Variants in CHD2 observed in about 807,000 individuals in gnomAD.
CHD2 encodes the protein ATP-dependent chromatin remodeler CHD2.
In CHD2, 28 loss-of-function variants were observed where a neutral mutation model predicts 243.9. The observed-to-expected ratio is 0.11, with a 90% CI of 0.09 to 0.16. The LOEUF is 0.16. Ranked by LOEUF, CHD2 falls within the 10% of genes least tolerant of loss-of-function variation. CHD2 has a pLI of 1.00. For synonymous variants in CHD2, 775 were observed against 779.0 expected, an observed-to-expected ratio of 0.99 and a Z score of 0.09; for missense variants, 1,386 against 2,209.8, an observed-to-expected ratio of 0.63 and a Z score of 7.47.
At chr15:92,919,880 T>G (rs1177650796) in intron 2 of CHD2, among the ~76,000 whole-genome samples, 1 of 152,212 alleles carries the variant, frequency 6.6e-6, no homozygotes, top group African/African-American at 2.4e-5. Flanking sequence ...GCTTCACTAC[T>G]AAGTTTCAGT....
chr15:92,939,443 A>G (rs563499264), intron 6 of CHD2, 135 bp from the exon 7 acceptor site: 3 of 920,438 alleles, frequency 3.3e-6, no homozygotes, highest in South Asian at 2.0e-5. Context: ...GCCCAAGAAT[A>G]TGCATGTTTA....
intron 2 of CHD2, among the ~76,000 whole-genome samples, chr15:92,916,450 A>G (rs1423484431): frequency 6.6e-6 from 1 of 152,236 alleles, no homozygotes; most frequent in African/African-American, 2.4e-5. Flanking sequence ...TGGATTATTT[A>G]GGTTTTGTTA....
Position 92,946,047 on chromosome 15 carries a change from G to A in CHD2, c.1208G>A (p.Arg403Gln), listed in dbSNP as rs753174378. Residue 403 changes from arginine to glutamine, a missense_variant, in exon 12 of 39, where the codon CGG (arginine) becomes CAG (glutamine). Physicochemically the swap from Arg to Gln is conservative, Grantham distance 43. Around this residue, in one of 19 missense-constraint regions of CHD2, gnomAD observed 200 missense variants for 292.5 expected, o/e 0.68. Transcript: ENST00000394196. ...TTTTTATATGAAATAGCTCATAGTC[G>A]GAAGCCGGCACCCTCAAATGAGCCC... is the stretch of plus-strand genomic sequence containing the variant. ...LGQTDFPAHS[R>Q]KPAPSNEPEY... 5.1e-6 allele frequency: 8 copies of A among 1,576,550 alleles called. No homozygotes were observed. The highest frequency in any genetic ancestry group is 1.2e-5 in the South Asian group (1 of 84,940).
intron 2 of CHD2, among the ~76,000 whole-genome samples, chr15:92,919,505 G>A (rs531418628): frequency 8.2e-4 from 124 of 151,846 alleles, no homozygotes; most frequent in African/African-American, 2.9e-3. Context: ...TGATTCTTCT[G>A]CCTCAGCCTC....
Position 93,000,595 on chromosome 15 carries a change from A to T in CHD2, c.4092A>T (p.Ser1364=). 6.2e-7 allele frequency: 1 copy of T among 1,613,892 alleles called. No individual in the cohort carries two copies. The highest frequency in any genetic ancestry group is 8.5e-7 in the Non-Finnish European group (1 of 1,179,796). Residue 1364 remains serine (S), a synonymous_variant, in exon 32 of 39, where the codon TCA becomes TCT. Transcript: ENST00000394196. The part of the protein sequence containing the change: ...RLKEEHGIEL[S]SPRHSDNPSE... Reference sequence around the variant, plus strand: ...AAGAGGAGCATGGAATTGAGCTTTCATCTCCTAGGCATTCAGATAATCCAT... The same window carrying T: ...AAGAGGAGCATGGAATTGAGCTTTCTTCTCCTAGGCATTCAGATAATCCAT...
intron 27 of CHD2, 184 bp downstream of exon 27, chr15:92,991,701 C>T (rs767521699): frequency 1.0e-4 from 49 of 469,156 alleles, no homozygotes; most frequent in Middle Eastern, 5.4e-4. Context: ...AGAGGGATGA[C>T]AAAGATGATA....
At chr15:92,980,225 T>C (rs2053961730) in intron 22 of CHD2, among the ~76,000 whole-genome samples, 1 of 13,766 alleles carries the variant, frequency 7.3e-5, no homozygotes, top group Admixed American at 1.5e-3. Flanking sequence ...TTTTTTTCTT[T>C]TTTTTTTTTT....
chr15:92,969,589 GTGC>G (rs770374724), intron 17 of CHD2, among the ~76,000 whole-genome samples: 23 of 152,296 alleles, frequency 1.5e-4, no homozygotes, highest in Non-Finnish European at 3.1e-4. Flanking sequence ...GGCCCTAGGG[GTGC>G]TCTTTGCAAC....
At chr15:92,916,804 G>A (rs1419955659) in intron 2 of CHD2, among the ~76,000 whole-genome samples, 1 of 152,090 alleles carries the variant, frequency 6.6e-6, no homozygotes, top group Non-Finnish European at 1.5e-5. Context: ...TGACCACCTC[G>A]GCCTCCCAAA....
chr15:93,006,855 G>C (rs2054328571), intron 34 of CHD2, among the ~76,000 whole-genome samples: 1 of 152,208 alleles, frequency 6.6e-6, no homozygotes, highest in Admixed American at 6.5e-5. Flanking sequence ...AGTCACATTT[G>C]TTGAGATTTA....
intron 26 of CHD2, among the ~76,000 whole-genome samples, chr15:92,988,316 C>T (rs1434690731): frequency 6.6e-6 from 1 of 152,148 alleles, no homozygotes; most frequent in Non-Finnish European, 1.5e-5. Flanking sequence ...AACTTCTGAC[C>T]TCAGGTGATC....
chr15:92,906,393 G>A (rs569147121), intron 2 of CHD2, among the ~76,000 whole-genome samples: 119 of 152,246 alleles, frequency 7.8e-4, no homozygotes, highest in Non-Finnish European at 1.5e-3. Context: ...AAGACTTTTG[G>A]TTGTGACAGT....
At position 92,980,811 on chromosome 15, in the gene CHD2, A is replaced by C; in HGVS notation, c.2877-4A>C. 1 of 1,607,940 alleles carries C rather than the reference A, an allele frequency of 6.2e-7. No individual in the cohort carries two copies. The highest frequency in any genetic ancestry group is 8.5e-7 in the Non-Finnish European group (1 of 1,175,730). On this transcript the variant is annotated splice_region_variant and splice_polypyrimidine_tract_variant and intron_variant, in intron 22 of 38. Transcript: ENST00000394196. ...TTTCTAACAACTACATTTTACTTCC[A>C]CAGCTCAAATCCTTTTAATAAAGAA... is the stretch of plus-strand genomic sequence containing the variant.
Position 93,024,696 on chromosome 15 carries a change from G to C in CHD2, c.5478G>C (p.Arg1826=). The change falls in exon 39 of 39, where the codon CGG becomes CGC. Residue 1826 remains arginine, a synonymous_variant. Transcript: ENST00000394196. ...KNNPDYNWNV[R]KT ...ACCCAGATTATAACTGGAATGTTCG[G>C]AAAACATAAAGGACAGCTCGTAAAG... is the stretch of plus-strand genomic sequence containing the variant. 1 of 1,609,556 alleles carries C rather than the reference G, an allele frequency of 6.2e-7. No individual in the cohort carries two copies. The highest frequency in any genetic ancestry group is 8.5e-7 in the Non-Finnish European group (1 of 1,177,408).
At position 92,977,722 on chromosome 15, in the gene CHD2, G is replaced by GT. The variant is rs1168639391; in HGVS notation, c.2578-511dup. On this transcript the variant is annotated intron_variant, in intron 20 of 38. Transcript: ENST00000394196. ...ATGTTTTGTGGTAATTGAGGATCCT[G>GT]TGGTTCTCAACACTTACCATATATG... Among the ~76,000 whole-genome samples the GT allele has an allele frequency of 3.9e-5, 6 of 152,258 alleles. No homozygotes were observed. In the East Asian group the frequency reaches 1.2e-3, roughly 29 times the overall value.
rs770631510 is a variant in CHD2, at chr15:92,937,590, A to G, written c.516A>G (p.Gln172=). The G allele has an allele frequency of 3.7e-5, 60 of 1,613,642 alleles. No homozygotes were observed. The Admixed American group carries it at 9.2e-4, about 25-fold the overall frequency. ...CCAGTGCAGAGAGTGAGCCAGAACA[A>G]AAAAAAGTAAAAGCCAGAAGACCTG... ...QGTSAESEPE[Q]KKVKARRPVP... Residue 172 remains glutamine, a synonymous_variant, in exon 6 of 39, where the codon CAA becomes CAG. Coordinates refer to ENST00000394196, the MANE Select transcript of CHD2 (RefSeq NM_001271.4).
chr15:92,917,103 A>G (rs1157652782), intron 2 of CHD2, among the ~76,000 whole-genome samples: 1 of 152,168 alleles, frequency 6.6e-6, no homozygotes, highest in Non-Finnish European at 1.5e-5. Flanking sequence ...GTGTATCTAT[A>G]TACTTTGTTA....
intron 2 of CHD2, among the ~76,000 whole-genome samples, chr15:92,922,209 C>T (rs1013706660): frequency 6.6e-5 from 10 of 152,128 alleles, no homozygotes; most frequent in African/African-American, 1.9e-4. Flanking sequence ...GGCCCCTCAC[C>T]CTCTTCCTCA....
At chr15:92,961,678 C>G (rs1482508440) in intron 16 of CHD2, among the ~76,000 whole-genome samples, 1 of 152,128 alleles carries the variant, frequency 6.6e-6, no homozygotes, top group Non-Finnish European at 1.5e-5. Flanking sequence ...TCCTAAAATG[C>G]TGAGATAATA....
Sources: gnomAD v4.1 joint callset for allele counts (sites outside exome capture counted in the v4.1 genomes callset) on GRCh38, gnomAD v4.1.1 for gene constraint, gnomAD v4.1.1 regional missense constraint, MANE v1.5 for transcripts, NCBI Gene and HGNC (gene_info 2026-07-23, HGNC 2026-07-21) for gene names.